KCNQ5: variants seen among roughly 807,000 people sequenced by gnomAD.
KCNQ5 encodes the protein potassium voltage-gated channel subfamily Q member 5.
KCNQ5 carries 30 observed loss-of-function variants against 98.2 expected under a neutral mutation model. That is an observed-to-expected ratio of 0.31 (90% CI 0.23 to 0.41). The LOEUF (loss-of-function observed/expected upper bound fraction) is 0.41, where lower values mean the gene tolerates loss of function less well. KCNQ5 is among the 10% of genes least tolerant of loss of function. The probability of loss-of-function intolerance (pLI) is 1.00; values close to 1 mark genes in which losing one functional copy is unlikely to be tolerated. For synonymous variants in KCNQ5, 458 were observed against 449.4 expected (o/e 1.02, Z -0.24); for missense variants, 835 against 1,182.5 (o/e 0.71, Z 4.31).
intron 1 of KCNQ5, among the ~76,000 whole-genome samples, chr6:72,994,911 A>T (rs908803261): frequency 1.2e-4 from 18 of 152,170 alleles, no homozygotes; most frequent in Non-Finnish European, 2.2e-4. Context: ...GATAAATTTT[A>T]AAAAATCTTG....
intron 5 of KCNQ5, among the ~76,000 whole-genome samples, chr6:73,093,928 C>T (rs2150407827): frequency 6.6e-6 from 1 of 152,156 alleles, no homozygotes; most frequent in South Asian, 2.1e-4. Context: ...CTATTTGTTC[C>T]AAGGTATAGT....
At position 72,882,267 on chromosome 6, in the gene KCNQ5, C is replaced by T. The variant is rs896385955; in HGVS notation, c.399-121641C>T. On this transcript the variant is annotated intron_variant, in intron 1 of 13. Coordinates refer to ENST00000370398, the MANE Select transcript of KCNQ5 (RefSeq NM_019842.4). ...CAATTTAAATTTTAAAAGACCTGTG[C>T]TATCACAGATATATTTAATCTCTGA... Among the ~76,000 whole-genome samples the T allele has an allele frequency of 2.0e-5, 3 of 152,188 alleles. No homozygotes were observed. In the East Asian group the frequency reaches 5.8e-4, roughly 29 times the overall value.
intron 11 of KCNQ5, among the ~76,000 whole-genome samples, chr6:73,170,566 CAA>C (rs11390332): frequency 1.1e-3 from 155 of 136,692 alleles, no homozygotes; most frequent in Non-Finnish European, 1.6e-3. Context: ...AACTATATTG[CAA>C]AAAAAAAAAA....
intron 5 of KCNQ5, among the ~76,000 whole-genome samples, chr6:73,099,763 G>C (rs977226201): frequency 6.6e-6 from 1 of 152,158 alleles, no homozygotes. Flanking sequence ...TTCAGCATTG[G>C]ACAGATCATC....
intron 1 of KCNQ5, among the ~76,000 whole-genome samples, chr6:72,887,612 G>A (rs1778895463): frequency 2.0e-5 from 3 of 152,202 alleles, no homozygotes; most frequent in Non-Finnish European, 4.4e-5. Context: ...CAAGACAACA[G>A]CATATCAGTT....
At chr6:73,092,871 T>C (rs1475168707) in intron 5 of KCNQ5, among the ~76,000 whole-genome samples, 2 of 152,224 alleles carry the variant, frequency 1.3e-5, no homozygotes, top group Admixed American at 1.3e-4. Flanking sequence ...TCTGTAGTTT[T>C]CTTTTTTGAT....
intron 1 of KCNQ5, among the ~76,000 whole-genome samples, chr6:72,698,743 A>C (rs1768647050): frequency 7.0e-6 from 1 of 143,392 alleles, no homozygotes; most frequent in East Asian, 2.1e-4. Flanking sequence ...AACTCACTGC[A>C]ACCTGGGCTC....
At chr6:72,697,456 A>G (rs1196368071) in intron 1 of KCNQ5, among the ~76,000 whole-genome samples, 1 of 152,216 alleles carries the variant, frequency 6.6e-6, no homozygotes, top group Non-Finnish European at 1.5e-5. Context: ...TCCTAGATTT[A>G]AACCTTAAAT....
intron 1 of KCNQ5, among the ~76,000 whole-genome samples, chr6:72,954,962 T>C (rs941980077): frequency 3.3e-5 from 5 of 152,188 alleles, no homozygotes; most frequent in African/African-American, 1.2e-4. Context: ...ATCTGGATCC[T>C]GTTAACTTGA....
At chr6:72,649,251 C>T (rs997062415) in intron 1 of KCNQ5, among the ~76,000 whole-genome samples, 7 of 152,156 alleles carry the variant, frequency 4.6e-5, no homozygotes, top group African/African-American at 1.7e-4. Context: ...CAGCCTCTTT[C>T]AGAATCTCTA....
chr6:72,792,861 A>C (rs945405188), intron 1 of KCNQ5, among the ~76,000 whole-genome samples: 3 of 152,232 alleles, frequency 2.0e-5, no homozygotes, highest in Non-Finnish European at 4.4e-5. Flanking sequence ...GTAATACCAG[A>C]GGAATTTTTG....
intron 1 of KCNQ5, among the ~76,000 whole-genome samples, chr6:72,653,646 T>C (rs952651751): frequency 1.3e-5 from 2 of 152,128 alleles, no homozygotes; most frequent in African/African-American, 4.8e-5. Flanking sequence ...GTGTGCTAAA[T>C]ACTAATTCAT....
At chr6:73,061,376 G>A (rs989662623) in intron 3 of KCNQ5, among the ~76,000 whole-genome samples, 2 of 151,714 alleles carry the variant, frequency 1.3e-5, no homozygotes, top group Non-Finnish European at 2.9e-5. Context: ...ATATAAATAT[G>A]TTAACTATTC....
intron 1 of KCNQ5, among the ~76,000 whole-genome samples, chr6:72,907,042 G>A (rs546153201): frequency 1.4e-4 from 21 of 152,286 alleles, no homozygotes; most frequent in African/African-American, 4.1e-4. Context: ...ATTGGTGACC[G>A]TGCTTTTTTT....
chr6:73,126,424 G>A (rs1381659272), intron 9 of KCNQ5, among the ~76,000 whole-genome samples: 3 of 152,212 alleles, frequency 2.0e-5, no homozygotes, highest in Non-Finnish European at 4.4e-5. Flanking sequence ...TAGCACAGCA[G>A]AAAACAAAGA....
intron 1 of KCNQ5, among the ~76,000 whole-genome samples, chr6:72,988,030 T>G (rs1163078543): frequency 6.6e-6 from 1 of 152,136 alleles, no homozygotes; most frequent in African/African-American, 2.4e-5. Context: ...TGGGCTTGGA[T>G]GAACTGGGGA....
intron 1 of KCNQ5, among the ~76,000 whole-genome samples, chr6:72,859,037 A>C (rs1352561552): frequency 6.6e-6 from 1 of 152,126 alleles, no homozygotes; most frequent in Non-Finnish European, 1.5e-5. Context: ...TTTTTTAAGA[A>C]TATTCTCTAG....
At chr6:72,980,329 T>A (rs990860265) in intron 1 of KCNQ5, among the ~76,000 whole-genome samples, 4 of 152,230 alleles carry the variant, frequency 2.6e-5, no homozygotes, top group Admixed American at 2.6e-4. Flanking sequence ...TTCTTCCATT[T>A]GTTTGTGTCC....
At chr6:72,932,266 G>A (rs939524043) in intron 1 of KCNQ5, among the ~76,000 whole-genome samples, 9 of 151,954 alleles carry the variant, frequency 5.9e-5, no homozygotes, top group African/African-American at 9.7e-5. Context: ...GTGTGTGTGC[G>A]TGTGTGCGTG....
Sources: gnomAD v4.1 joint callset for allele counts (sites outside exome capture counted in the v4.1 genomes callset) on GRCh38, gnomAD v4.1.1 for gene constraint, MANE v1.5 for transcripts, NCBI Gene and HGNC (gene_info 2026-07-23, HGNC 2026-07-21) for gene names.